The following DYNLT2B variants were observed in gnomAD, a reference collection of about 807,000 sequenced individuals.
DYNLT2B encodes the protein dynein light chain Tctex-type protein 2B.
A neutral mutation model predicts 19.5 loss-of-function variants in DYNLT2B; 14 were observed. The observed-to-expected ratio is 0.72, with a 90% CI of 0.47 to 1.12. DYNLT2B has a LOEUF of 1.12. Among genes scored for constraint, DYNLT2B ranks in the 50% most tolerant of loss-of-function variants. The pLI, the probability that DYNLT2B is intolerant of heterozygous loss-of-function variation, is 0.00. For missense variants in DYNLT2B, 133 were observed against 174.7 expected (o/e 0.76, Z 1.35); for synonymous variants, 70 against 59.7 (o/e 1.17, Z -0.79).
At chr3:196,310,465 G>C (rs1444717509) in intron 2 of DYNLT2B, among the ~76,000 whole-genome samples, 2 of 150,974 alleles carry the variant, frequency 1.3e-5, no homozygotes, top group Non-Finnish European at 2.9e-5. Flanking sequence ...ATCTCGCTCT[G>C]TCGCTCAGGC....
intron 2 of DYNLT2B, among the ~76,000 whole-genome samples, chr3:196,313,225 T>G (rs1726687627): frequency 6.7e-6 from 1 of 149,802 alleles, no homozygotes; most frequent in Non-Finnish European, 1.5e-5. Flanking sequence ...TGAGACAGAG[T>G]CTCACTCTGT....
At chr3:196,294,136 G>A (rs1465638076) in intron 4 of DYNLT2B, among the ~76,000 whole-genome samples, 2 of 152,024 alleles carry the variant, frequency 1.3e-5, no homozygotes, top group East Asian at 2.0e-4. Context: ...CCGATCACCT[G>A]AGGTCGGGAG....
intron 4 of DYNLT2B, among the ~76,000 whole-genome samples, chr3:196,295,612 T>C (rs1726203900): frequency 6.6e-6 from 1 of 152,242 alleles, no homozygotes; most frequent in Admixed American, 6.5e-5. Flanking sequence ...CAAAGTGTGA[T>C]TGGTTCAAAT....
At chr3:196,315,856 G>C (rs986684608) in intron 2 of DYNLT2B, among the ~76,000 whole-genome samples, 1 of 152,058 alleles carries the variant, frequency 6.6e-6, no homozygotes, top group Non-Finnish European at 1.5e-5. Context: ...TGGGCAACAA[G>C]AGTGAAACTC....
intron 3 of DYNLT2B, 125 bp from the exon 4 acceptor site, chr3:196,296,194 G>C: frequency 1.3e-6 from 1 of 789,044 alleles, no homozygotes; most frequent in Non-Finnish European, 2.2e-6. Flanking sequence ...CCTTTCACAG[G>C]TAGGTACCCA....
rs189695164 is a variant in DYNLT2B at position 196,297,287 on chromosome 3, G to A, written c.318-1218C>T. On this transcript the variant is annotated intron_variant, in intron 3 of 4. Coordinates refer to ENST00000325318, the MANE Select transcript of DYNLT2B (RefSeq NM_152773.5). ...CACCTGTAATCCCAGCACTTTGGGA[G>A]GCTGAGGTGGGCGAATCACCTGAGG... 6.0e-3 allele frequency among the ~76,000 whole-genome samples: 918 copies of A among 152,296 alleles called. 7 individuals carry two copies. The highest frequency in any genetic ancestry group is 9.5e-3 in the Non-Finnish European group (643 of 68,026).
chr3:196,292,153 T>C (rs1726109650), intron 4 of DYNLT2B, among the ~76,000 whole-genome samples: 1 of 152,230 alleles, frequency 6.6e-6, no homozygotes, highest in African/African-American at 2.4e-5. Flanking sequence ...TGTTTGTTCT[T>C]AATTGATAAA....
At chr3:196,304,624 G>C (rs947545456) in intron 3 of DYNLT2B, among the ~76,000 whole-genome samples, 4 of 151,592 alleles carry the variant, frequency 2.6e-5, no homozygotes, top group African/African-American at 9.7e-5. Flanking sequence ...CTGGGAGGCA[G>C]AGCTTGCAGT....
chr3:196,302,825 C>A (rs1319652120), intron 3 of DYNLT2B, among the ~76,000 whole-genome samples: 2 of 152,074 alleles, frequency 1.3e-5, no homozygotes, highest in African/African-American at 2.4e-5. Context: ...TGCGTCTAAC[C>A]TCCAAGCTGC....
chr3:196,316,051 T>G, intron 2 of DYNLT2B, 47 bp downstream of exon 2: 1 of 1,595,526 alleles, frequency 6.3e-7, no homozygotes, highest in Non-Finnish European at 8.5e-7. Context: ...TGGGTAATAC[T>G]GACTCTGTGA....
chr3:196,304,977 G>T (rs1726449456), intron 3 of DYNLT2B, among the ~76,000 whole-genome samples: 1 of 152,086 alleles, frequency 6.6e-6, no homozygotes, highest in Non-Finnish European at 1.5e-5. Flanking sequence ...AACCTTCCTG[G>T]GCTCAAGAGG....
In DYNLT2B at chr3:196,297,599, G is replaced by A. The variant is rs996414752; in HGVS notation, c.318-1530C>T. On this transcript the variant is annotated intron_variant, in intron 3 of 4. Coordinates refer to ENST00000325318, the MANE Select transcript of DYNLT2B (RefSeq NM_152773.5). ...TTTTACATTTCTATTAAACGTATGT[G>A]TATGATTTATCATGCAAACACTTAT... is the stretch of plus-strand genomic sequence containing the variant. Among the ~76,000 whole-genome samples, 7 of 152,208 alleles carry A rather than the reference G, an allele frequency of 4.6e-5. No homozygotes were observed. In the South Asian group the frequency reaches 8.3e-4, roughly 18 times the overall value.
At chr3:196,309,684 G>A (rs549710722) in intron 2 of DYNLT2B, among the ~76,000 whole-genome samples, 21 of 152,162 alleles carry the variant, frequency 1.4e-4, no homozygotes, top group African/African-American at 4.3e-4. Context: ...GGCTGGGCAC[G>A]GTGGCCCACA....
intron 2 of DYNLT2B, among the ~76,000 whole-genome samples, chr3:196,310,364 G>A (rs529116117): frequency 1.5e-4 from 22 of 147,644 alleles, no homozygotes; most frequent in Admixed American, 9.5e-4. Context: ...CACCTACCTC[G>A]GCCTCCCAAA....
At chr3:196,312,479 G>A (rs1271005309) in intron 2 of DYNLT2B, among the ~76,000 whole-genome samples, 1 of 152,040 alleles carries the variant, frequency 6.6e-6, no homozygotes, top group Non-Finnish European at 1.5e-5. Context: ...AGGGGCGGGG[G>A]ATGGAGTCTC....
intron 2 of DYNLT2B, among the ~76,000 whole-genome samples, chr3:196,313,557 G>C (rs1335383629): frequency 6.6e-6 from 1 of 151,932 alleles, no homozygotes; most frequent in Non-Finnish European, 1.5e-5. Context: ...TATTTTTCTA[G>C]TGTTTAAATT....
At chr3:196,297,118 T>G (rs967908915) in intron 3 of DYNLT2B, among the ~76,000 whole-genome samples, 3 of 139,372 alleles carry the variant, frequency 2.2e-5, no homozygotes, top group African/African-American at 8.3e-5. Flanking sequence ...AGGCGGAGCT[T>G]GCAGTGACCT....
intron 4 of DYNLT2B, among the ~76,000 whole-genome samples, chr3:196,292,020 A>G (rs1174044885): frequency 6.6e-6 from 1 of 152,236 alleles, no homozygotes; most frequent in African/African-American, 2.4e-5. Flanking sequence ...AATGTATGAA[A>G]TGCTTTGAGT....
chr3:196,308,250 T>C (rs1726545296), intron 2 of DYNLT2B, among the ~76,000 whole-genome samples: 1 of 151,970 alleles, frequency 6.6e-6, no homozygotes, highest in African/African-American at 2.4e-5. Flanking sequence ...TCTTGGAAGA[T>C]GTGGCCGGCC....
Sources: gnomAD v4.1 joint callset for allele counts (sites outside exome capture counted in the v4.1 genomes callset) on GRCh38, gnomAD v4.1.1 for gene constraint, MANE v1.5 for transcripts, NCBI Gene and HGNC (gene_info 2026-07-23, HGNC 2026-07-21) for gene names.